NXPE3: variants seen among roughly 807,000 people sequenced by gnomAD.
NXPE3 encodes NXPE family member 3.
Under a neutral mutation model 46.1 loss-of-function variants are expected in NXPE3, and 26 were observed. That is an observed-to-expected ratio of 0.56 (90% CI 0.41 to 0.78). The LOEUF is 0.78. NXPE3 is among the 30% of genes least tolerant of loss of function. NXPE3 has a pLI of 0.00. For missense variants in NXPE3, 620 were observed against 686.0 expected (o/e 0.90, Z 1.07); for synonymous variants, 272 against 257.9 (o/e 1.05, Z -0.52).
intron 4 of NXPE3, among the ~76,000 whole-genome samples, chr3:101,796,349 T>C (rs1352834736): frequency 6.6e-6 from 1 of 152,136 alleles, no homozygotes; most frequent in African/African-American, 2.4e-5. Context: ...AGATGGCGGG[T>C]GTGAAGTTGC....
At chr3:101,789,196 A>G (rs1305356000) in intron 4 of NXPE3, among the ~76,000 whole-genome samples, 2 of 152,154 alleles carry the variant, frequency 1.3e-5, no homozygotes, top group East Asian at 3.8e-4. Context: ...AGTGATAGCT[A>G]AAGTCATTGT....
intron 6 of NXPE3, among the ~76,000 whole-genome samples, chr3:101,813,397 A>G (rs190133273): frequency 8.4e-4 from 127 of 151,538 alleles, no homozygotes; most frequent in Middle Eastern, 3.4e-3. Flanking sequence ...TTTTCGTCCA[A>G]CTCTTTCTGG....
Position 101,793,423 on chromosome 3 carries a change from A to G in NXPE3, c.93+7734A>G, listed in dbSNP as rs143618357. On this transcript the variant is annotated intron_variant, in intron 4 of 7. Transcript: ENST00000273347. ...TTAAAACAGGTTTCTTCTAGCTAGC[A>G]TGTAATTGGATCTTGTTTTTTATCT... Among the ~76,000 whole-genome samples, 71 of 152,180 alleles carry G rather than the reference A, an allele frequency of 4.7e-4. 1 individual carries two copies. The highest frequency in any genetic ancestry group is 1.7e-3 in the African/African-American group (69 of 41,546).
At chr3:101,784,583 C>G (rs1332428485) in intron 3 of NXPE3, among the ~76,000 whole-genome samples, 2 of 152,266 alleles carry the variant, frequency 1.3e-5, no homozygotes, top group Non-Finnish European at 1.5e-5. Context: ...GTGTCCTGCC[C>G]TTCATGGAAA....
chr3:101,802,255 C>T (rs1941205283), intron 5 of NXPE3, among the ~76,000 whole-genome samples: 1 of 152,012 alleles, frequency 6.6e-6, no homozygotes, highest in African/African-American at 2.4e-5. Context: ...CTGTGTTTTC[C>T]TTTAGAACCA....
chr3:101,785,538 A>G lies in NXPE3; in HGVS notation c.-59A>G. Reference sequence around the variant, plus strand: ...CAGCTCAGAAAAGCAAAGACATGGAATTTTAAAGAGTGAAGGTAGCATGGT... The same window carrying G: ...CAGCTCAGAAAAGCAAAGACATGGAGTTTTAAAGAGTGAAGGTAGCATGGT... On this transcript the variant is annotated 5_prime_UTR_variant, in exon 4 of 8. Coordinates refer to ENST00000273347, the MANE Select transcript of NXPE3 (RefSeq NM_145037.4). 6.8e-7 allele frequency: 1 copy of G among 1,467,574 alleles called. No individual in the cohort carries two copies. The highest frequency in any genetic ancestry group is 9.6e-7 in the Non-Finnish European group (1 of 1,046,500). 90.9% of individuals were successfully genotyped at this position (1,467,574 alleles called of 1,614,324 possible). A position where few individuals can be genotyped will look rare whatever the true frequency, so the allele number is the denominator to read the frequency against.
chr3:101,821,300 G>A (rs1942235831), intron 7 of NXPE3, 104 bp from the exon 8 acceptor site: 1 of 856,184 alleles, frequency 1.2e-6, no homozygotes, highest in Non-Finnish European at 1.8e-6. Context: ...CCTTTTTGTT[G>A]TACTTAAAAA....
chr3:101,794,473 A>G lies in NXPE3; in HGVS notation c.94-6762A>G, dbSNP rs148678066. On this transcript the variant is annotated intron_variant, in intron 4 of 7. Coordinates refer to ENST00000273347, the MANE Select transcript of NXPE3 (RefSeq NM_145037.4). ...TGAAGAAGATGGAAGGTAGGAGGGT[A>G]GAGCCCAGGAGGTTTGTGTGGGACT... Among the ~76,000 whole-genome samples, 814 of 152,314 alleles carry G rather than the reference A, an allele frequency of 5.3e-3. 2 individuals carry two copies. Among genetic ancestry groups the G allele is most frequent in the Middle Eastern group, 0.014 (4 of 294 alleles).
chr3:101,786,330 G>A (rs1245307282), intron 4 of NXPE3, among the ~76,000 whole-genome samples: 1 of 152,164 alleles, frequency 6.6e-6, no homozygotes, highest in Non-Finnish European at 1.5e-5. Context: ...GTACTTCTCA[G>A]ATTACATATC....
At position 101,808,313 on chromosome 3, in the gene NXPE3, G is replaced by T. The variant is rs1941522085; in HGVS notation, c.922+1187G>T. ...TGAGGCTTATGCAGATGGCGGGCAA[G>T]GTCCTTCTAGCTTTTAAAAGTATAT... On this transcript the variant is annotated intron_variant, in intron 6 of 7. Transcript: ENST00000273347. 2.0e-5 allele frequency among the ~76,000 whole-genome samples: 3 copies of T among 152,214 alleles called. No homozygotes were observed. The South Asian group carries it at 6.2e-4, about 32-fold the overall frequency.
intron 4 of NXPE3, among the ~76,000 whole-genome samples, chr3:101,789,627 C>T (rs2093424612): frequency 6.6e-6 from 1 of 152,150 alleles, no homozygotes; most frequent in African/African-American, 2.4e-5. Flanking sequence ...ATATTGTTCT[C>T]ATTTTCATTT....
At chr3:101,780,800 A>C (rs1023049583) in intron 1 of NXPE3, among the ~76,000 whole-genome samples, 2 of 152,228 alleles carry the variant, frequency 1.3e-5, no homozygotes, top group Non-Finnish European at 2.9e-5. Flanking sequence ...CCATGAATAC[A>C]TGGGGCCCTG....
At position 101,816,905 on chromosome 3, in the gene NXPE3, GACA is replaced by G; in HGVS notation, c.1037_1039del (p.Asn346del). The G allele has an allele frequency of 3.7e-6, 6 of 1,614,122 alleles. No individual in the cohort carries two copies. Among genetic ancestry groups the G allele is most frequent in the Non-Finnish European group, 5.1e-6 (6 of 1,179,994 alleles). On this transcript the variant is annotated inframe_deletion, in exon 7 of 8. Coordinates refer to ENST00000273347, the MANE Select transcript of NXPE3 (RefSeq NM_145037.4). Reference sequence around the variant, plus strand: ...TAAGATGCGTCAGTTTAATGACCCTGACAACATTACAGAGTGCTTACAAAGAAA... The same window carrying G: ...TAAGATGCGTCAGTTTAATGACCCTGACATTACAGAGTGCTTACAAAGAAA...
At chr3:101,807,356 G>T (rs187787957) in intron 6 of NXPE3, among the ~76,000 whole-genome samples, 2 of 151,978 alleles carry the variant, frequency 1.3e-5, no homozygotes, top group African/African-American at 4.8e-5. Flanking sequence ...GTCTTGCTCT[G>T]TTACCTAGGC....
At chr3:101,788,097 G>A (rs1026979609) in intron 4 of NXPE3, among the ~76,000 whole-genome samples, 4 of 152,198 alleles carry the variant, frequency 2.6e-5, no homozygotes, top group Non-Finnish European at 5.9e-5. Context: ...CTTTGTGGAT[G>A]TGAGGTAATG....
chr3:101,812,520 A>T (rs536542438), intron 6 of NXPE3, among the ~76,000 whole-genome samples: 1 of 152,172 alleles, frequency 6.6e-6, no homozygotes, highest in East Asian at 1.9e-4. Context: ...CATCTTTAAA[A>T]GGTATTTCGA....
chr3:101,790,207 G>A (rs1273860660), intron 4 of NXPE3, among the ~76,000 whole-genome samples: 1 of 152,092 alleles, frequency 6.6e-6, no homozygotes, highest in African/African-American at 2.4e-5. Flanking sequence ...TGCTTTTATT[G>A]CATGGAGTAT....
At chr3:101,783,825 C>G (rs894721295) in intron 3 of NXPE3, among the ~76,000 whole-genome samples, 1 of 152,164 alleles carries the variant, frequency 6.6e-6, no homozygotes, top group African/African-American at 2.4e-5. Context: ...AGTTGGGACC[C>G]TGATGACAGA....
At chr3:101,815,797 A>C (rs1230763898) in intron 6 of NXPE3, among the ~76,000 whole-genome samples, 1 of 152,120 alleles carries the variant, frequency 6.6e-6, no homozygotes. Flanking sequence ...AGAGATTGAG[A>C]CCATCTTGGC....
Sources: gnomAD v4.1 joint callset for allele counts (sites outside exome capture counted in the v4.1 genomes callset) on GRCh38, gnomAD v4.1.1 for gene constraint, MANE v1.5 for transcripts, NCBI Gene and HGNC (gene_info 2026-07-23, HGNC 2026-07-21) for gene names.